The following SEC63 variants were observed in gnomAD, a reference collection of about 807,000 sequenced individuals.
SEC63 encodes the protein translocation protein SEC63 homolog.
A neutral mutation model predicts 116.2 loss-of-function variants in SEC63; 56 were observed. The ratio of observed to expected loss-of-function variants is 0.48; its 90% confidence interval spans 0.39 to 0.60. The LOEUF (loss-of-function observed/expected upper bound fraction) is 0.60, where lower values mean the gene tolerates loss of function less well. Ranked by LOEUF, SEC63 falls within the 20% of genes least tolerant of loss-of-function variation. The probability of loss-of-function intolerance (pLI) is 0.00; values close to 1 mark genes in which losing one functional copy is unlikely to be tolerated. For synonymous variants in SEC63, 273 were observed against 294.6 expected, an observed-to-expected ratio of 0.93 and a Z score of 0.75; for missense variants, 668 against 900.0, an observed-to-expected ratio of 0.74 and a Z score of 3.30.
chr6:107,910,060 CA>C (rs1787240412), intron 7 of SEC63, among the ~76,000 whole-genome samples: 1 of 152,034 alleles, frequency 6.6e-6, no homozygotes, highest in South Asian at 2.1e-4. Context: ...AATGTGTGTA[CA>C]TAAATTCATA....
At chr6:107,924,456 C>G (rs1583760373) in intron 3 of SEC63, among the ~76,000 whole-genome samples, 3 of 151,398 alleles carry the variant, frequency 2.0e-5, no homozygotes, top group East Asian at 3.9e-4. Flanking sequence ...CGGGCGCCTA[C>G]CTGGGAGGCT....
At chr6:107,874,422 G>A (rs575253749) in intron 19 of SEC63, among the ~76,000 whole-genome samples, 45 of 151,902 alleles carry the variant, frequency 3.0e-4, no homozygotes, top group East Asian at 2.3e-3. Context: ...GTGAAACCCC[G>A]TCTCTACTAA....
chr6:107,887,660 A>G (rs1786565635), intron 16 of SEC63, among the ~76,000 whole-genome samples: 2 of 152,220 alleles, frequency 1.3e-5, no homozygotes, highest in East Asian at 3.9e-4. Flanking sequence ...ATGACGAGTT[A>G]GTGGGTGCAG....
At chr6:107,932,060 A>C in intron 1 of SEC63, 1 of 164,338 alleles carries the variant, frequency 6.1e-6, no homozygotes, top group Non-Finnish European at 1.3e-5. Context: ...GCCATGAAGA[A>C]GACACAACCA....
rs1259606910 is a variant in SEC63 at position 107,956,160 on chromosome 6, A to G, written c.124+1726T>C. On this transcript the variant is annotated intron_variant, in intron 1 of 20. Transcript: ENST00000369002. ...AAAATCCAATGTAGATTAAAAAATG[A>G]TGGCTAATTTCTGAAATCAGGGCAG... The G allele has an allele frequency of 1.1e-4, 20 of 188,262 alleles. No homozygotes were observed. The South Asian group carries it at 1.2e-3, about 12-fold the overall frequency. The allele number at this position is 188,262 out of a possible 1,614,324, so 11.7% of individuals were successfully genotyped here. A position where few individuals can be genotyped will look rare whatever the true frequency, so the allele number is the denominator to read the frequency against.
chr6:107,934,704 G>A (rs1206362949), intron 1 of SEC63, among the ~76,000 whole-genome samples: 3 of 30,782 alleles, frequency 9.7e-5, no homozygotes, highest in Admixed American at 6.4e-4. Flanking sequence ...CAGCCGCCCC[G>A]TCCGGCAGGG....
chr6:107,874,516 A>G (rs187319298), intron 19 of SEC63, among the ~76,000 whole-genome samples: 53 of 151,192 alleles, frequency 3.5e-4, no homozygotes, highest in African/African-American at 1.3e-3. Flanking sequence ...GAATGGCGTG[A>G]ACCCGGGAGG....
In SEC63 at chr6:107,935,233, G is replaced by A. The variant is rs1184341318; in HGVS notation, c.125-5719C>T. On this transcript the variant is annotated intron_variant, in intron 1 of 20. Transcript: ENST00000369002. ...AGATGAGGGGCGCCTCTGCCCGGCCGCCCCTACTGGGAAGTGAGGAGCCCC... is the reference window on the plus strand; with the variant it reads ...AGATGAGGGGCGCCTCTGCCCGGCCACCCCTACTGGGAAGTGAGGAGCCCC... 5.9e-5 allele frequency among the ~76,000 whole-genome samples: 9 copies of A among 151,578 alleles called. 1 individual carries two copies. The highest frequency in any genetic ancestry group is 1.2e-4 in the Non-Finnish European group (8 of 67,750).
intron 1 of SEC63, among the ~76,000 whole-genome samples, chr6:107,935,247 G>A (rs1470143995): frequency 6.6e-6 from 1 of 151,868 alleles, no homozygotes; most frequent in African/African-American, 2.4e-5. Context: ...CTACTGGGAA[G>A]TGAGGAGCCC....
intron 1 of SEC63, among the ~76,000 whole-genome samples, chr6:107,956,944 T>C (rs1386845167): frequency 6.6e-6 from 1 of 152,324 alleles, no homozygotes; most frequent in East Asian, 1.9e-4. Flanking sequence ...TTGTTAATAC[T>C]CAAAACCCAC....
chr6:107,912,203 C>A (rs1225571714), intron 6 of SEC63, among the ~76,000 whole-genome samples: 1 of 152,156 alleles, frequency 6.6e-6, no homozygotes, highest in African/African-American at 2.4e-5. Context: ...TAATTCTTGA[C>A]ATTTTAGGGT....
intron 1 of SEC63, among the ~76,000 whole-genome samples, chr6:107,942,555 C>G (rs905867794): frequency 2.0e-5 from 3 of 152,186 alleles, no homozygotes; most frequent in Non-Finnish European, 4.4e-5. Context: ...ACCCTGCTCT[C>G]AAAGACCATA....
intron 12 of SEC63, among the ~76,000 whole-genome samples, chr6:107,902,129 T>TA (rs376835480): frequency 2.6e-5 from 4 of 152,164 alleles, no homozygotes; most frequent in African/African-American, 9.6e-5. Context: ...ATGAGGCATG[T>TA]AAAATCTCTG....
chr6:107,881,067 A>G, intron 18 of SEC63, 82 bp downstream of exon 18: 1 of 984,858 alleles, frequency 1.0e-6, no homozygotes, highest in South Asian at 1.3e-5. Flanking sequence ...AATACACACG[A>G]CAGAGGGCTA....
intron 1 of SEC63, among the ~76,000 whole-genome samples, chr6:107,932,652 T>G (rs1295778723): frequency 6.6e-6 from 1 of 152,230 alleles, no homozygotes; most frequent in Admixed American, 6.5e-5. Flanking sequence ...ACTGTTGGAC[T>G]GGAATTAAAA....
intron 1 of SEC63, among the ~76,000 whole-genome samples, chr6:107,955,018 G>A (rs1303110862): frequency 2.6e-5 from 4 of 152,116 alleles, no homozygotes; most frequent in Admixed American, 6.5e-5. Context: ...GATGTAAAAC[G>A]GGCAAACTGA....
chr6:107,883,749 G>A (rs976897222), intron 16 of SEC63, among the ~76,000 whole-genome samples: 2 of 151,514 alleles, frequency 1.3e-5, no homozygotes, highest in African/African-American at 2.4e-5. Context: ...TAAGGCTGCA[G>A]TAAGGCATGA....
chr6:107,952,021 G>A (rs1459134962), intron 1 of SEC63, among the ~76,000 whole-genome samples: 4 of 151,934 alleles, frequency 2.6e-5, no homozygotes, highest in Non-Finnish European at 4.4e-5. Flanking sequence ...TGTAGCCAGG[G>A]TTAAGAATCA....
chr6:107,896,093 G>C (rs945934796), intron 14 of SEC63, among the ~76,000 whole-genome samples: 2 of 152,112 alleles, frequency 1.3e-5, no homozygotes, highest in African/African-American at 4.8e-5. Flanking sequence ...TTGAGCCTAG[G>C]AGGCGGACGT....
Sources: gnomAD v4.1 joint callset for allele counts (sites outside exome capture counted in the v4.1 genomes callset) on GRCh38, gnomAD v4.1.1 for gene constraint, MANE v1.5 for transcripts, NCBI Gene and HGNC (gene_info 2026-07-23, HGNC 2026-07-21) for gene names.